The following SLC4A7 variants were observed in gnomAD, a reference collection of about 807,000 sequenced individuals.
The protein encoded by SLC4A7 is solute carrier family 4 member 7, also known as sodium bicarbonate cotransporter 3.
In SLC4A7, 51 loss-of-function variants were observed where a neutral mutation model predicts 137.6. The ratio of observed to expected loss-of-function variants is 0.37; its 90% CI spans 0.30 to 0.47. The LOEUF is 0.47. Ranked by LOEUF, SLC4A7 falls within the 20% of genes least tolerant of loss-of-function variation. The pLI is 1.00. For missense variants in SLC4A7, 1,247 were observed against 1,525.4 expected (o/e 0.82, Z 3.04); for synonymous variants, 542 against 518.6 (o/e 1.05, Z -0.61).
In SLC4A7 at chr3:27,431,293, G is replaced by C; in HGVS notation, c.1150+5C>G. On this transcript the variant is annotated splice_donor_5th_base_variant and intron_variant, in intron 7 of 25. Coordinates refer to ENST00000454389, the MANE Select transcript of SLC4A7 (RefSeq NM_001321103.2). The stretch of plus-strand genomic sequence containing the variant: ...CACCACACATGGAGGATTTTGGATA[G>C]TTGCCTGGAGTTAAGTCAACATTTT... 1 of 1,563,668 alleles carries C rather than the reference G, an allele frequency of 6.4e-7. No homozygotes were observed. Among genetic ancestry groups the C allele is most frequent in the South Asian group, 1.2e-5 (1 of 82,348 alleles).
At chr3:27,414,979 A>T (rs979347411) in intron 11 of SLC4A7, among the ~76,000 whole-genome samples, 1 of 152,154 alleles carries the variant, frequency 6.6e-6, no homozygotes, top group East Asian at 1.9e-4. Context: ...TTTCTATAAT[A>T]ATGATGGTGC....
chr3:27,468,449 C>T (rs1424794970), intron 1 of SLC4A7, among the ~76,000 whole-genome samples: 2 of 152,138 alleles, frequency 1.3e-5, no homozygotes, highest in African/African-American at 4.8e-5. Flanking sequence ...GTGATACACA[C>T]CGGTCACACT....
At chr3:27,413,340 T>C (rs2054088460) in intron 11 of SLC4A7, among the ~76,000 whole-genome samples, 1 of 152,172 alleles carries the variant, frequency 6.6e-6, no homozygotes, top group South Asian at 2.1e-4. Context: ...AAGGAATTCT[T>C]CCAAACTTTT....
chr3:27,431,722 T>A lies in SLC4A7; in HGVS notation c.779-53A>T, dbSNP rs185647636. 24 of 1,460,392 alleles carry A rather than the reference T, an allele frequency of 1.6e-5. No homozygotes were observed. The African/African-American group carries it at 3.0e-4, about 18-fold the overall frequency. The allele number at this position is 1,460,392 out of a possible 1,614,324, so 90.5% of individuals were successfully genotyped here. A position where few individuals can be genotyped will look rare whatever the true frequency, so the allele number is the denominator to read the frequency against. ...GATGAAGTCCACTGCAGAAGGCAAA[T>A]AGAGACATTTAAAAAAAAATCAATT... On this transcript the variant is annotated intron_variant, in intron 6 of 25. Coordinates refer to ENST00000454389, the MANE Select transcript of SLC4A7 (RefSeq NM_001321103.2).
At chr3:27,475,669 G>T (rs1163821993) in intron 1 of SLC4A7, among the ~76,000 whole-genome samples, 1 of 152,132 alleles carries the variant, frequency 6.6e-6, no homozygotes, top group Non-Finnish European at 1.5e-5. Context: ...AACTTCCCCA[G>T]ATACAAACAG....
chr3:27,447,461 C>T (rs962514317), intron 3 of SLC4A7, among the ~76,000 whole-genome samples: 2 of 151,986 alleles, frequency 1.3e-5, no homozygotes, highest in African/African-American at 4.8e-5. Context: ...TGCCTTTTCA[C>T]AAAAACTTTC....
intron 21 of SLC4A7, among the ~76,000 whole-genome samples, chr3:27,390,816 TG>T (rs2051468263): frequency 6.6e-6 from 1 of 152,136 alleles, no homozygotes; most frequent in Non-Finnish European, 1.5e-5. Context: ...TCGTTTTTTT[TG>T]TGTGTGTTTG....
intron 1 of SLC4A7, among the ~76,000 whole-genome samples, chr3:27,474,825 A>C (rs905474839): frequency 1.3e-5 from 2 of 152,186 alleles, no homozygotes; most frequent in Non-Finnish European, 2.9e-5. Flanking sequence ...AGCTTTAGGC[A>C]ACAAACCAGT....
At chr3:27,438,489 A>C (rs1398671695) in intron 3 of SLC4A7, among the ~76,000 whole-genome samples, 1 of 152,148 alleles carries the variant, frequency 6.6e-6, no homozygotes, top group Non-Finnish European at 1.5e-5. Flanking sequence ...TGGGCGACAG[A>C]GCAAGACTCC....
At chr3:27,441,896 TTGAC>T (rs1323494520) in intron 3 of SLC4A7, among the ~76,000 whole-genome samples, 5 of 151,774 alleles carry the variant, frequency 3.3e-5, no homozygotes, top group Admixed American at 6.5e-5. Flanking sequence ...TCTTATTAGT[TTGAC>T]TTTTTTTTTT....
At chr3:27,480,631 T>C (rs920757870) in intron 1 of SLC4A7, among the ~76,000 whole-genome samples, 2 of 152,130 alleles carry the variant, frequency 1.3e-5, no homozygotes, top group Admixed American at 6.6e-5. Context: ...GAAACCCTGA[T>C]ACTATTCCTA....
intron 1 of SLC4A7, among the ~76,000 whole-genome samples, chr3:27,455,809 A>G (rs966851303): frequency 6.6e-6 from 1 of 152,096 alleles, no homozygotes; most frequent in African/African-American, 2.4e-5. Context: ...GTGAGCGCAT[A>G]GAGCGCCACC....
At position 27,379,245 on chromosome 3, in the gene SLC4A7, C is replaced by G; in HGVS notation, c.3698+4G>C. ...TTAGAAAACACACAAATAGTTATAACTACCTCATGTTAGATCTGGTTACTT... is the reference window on the plus strand; with the variant it reads ...TTAGAAAACACACAAATAGTTATAAGTACCTCATGTTAGATCTGGTTACTT... On this transcript the variant is annotated splice_donor_region_variant and intron_variant, in intron 25 of 25. Coordinates refer to ENST00000454389, the MANE Select transcript of SLC4A7 (RefSeq NM_001321103.2). 6.7e-7 allele frequency: 1 copy of G among 1,483,702 alleles called. No homozygotes were observed. The highest frequency in any genetic ancestry group is 9.1e-7 in the Non-Finnish European group (1 of 1,099,122). The allele number at this position is 1,483,702 out of a possible 1,614,324, so 91.9% of individuals were successfully genotyped here.
At chr3:27,377,901 T>C (rs1379104003) in intron 25 of SLC4A7, among the ~76,000 whole-genome samples, 1 of 152,344 alleles carries the variant, frequency 6.6e-6, no homozygotes, top group South Asian at 2.1e-4. Flanking sequence ...AGCCAAGATA[T>C]TCTCTTTCTT....
At chr3:27,402,617 T>G (rs1487621948) in intron 15 of SLC4A7, among the ~76,000 whole-genome samples, 3 of 152,008 alleles carry the variant, frequency 2.0e-5, no homozygotes, top group Non-Finnish European at 4.4e-5. Flanking sequence ...GAAGATCACT[T>G]GAACCTGGGA....
intron 7 of SLC4A7, among the ~76,000 whole-genome samples, chr3:27,427,381 C>G (rs34772035): frequency 0.17 from 25,181 of 151,642 alleles, 2,466 homozygotes; most frequent in Non-Finnish European, 0.23. Context: ...CTCAAGTGAT[C>G]CTCCCCTCTT....
chr3:27,411,329 A>G (rs961361926), intron 12 of SLC4A7, among the ~76,000 whole-genome samples: 17 of 152,216 alleles, frequency 1.1e-4, no homozygotes, highest in African/African-American at 3.1e-4. Context: ...AAGAATTATA[A>G]TAAGACTCTA....
chr3:27,469,678 G>A (rs1205390537), intron 1 of SLC4A7, among the ~76,000 whole-genome samples: 2 of 151,934 alleles, frequency 1.3e-5, no homozygotes, highest in Admixed American at 6.6e-5. Context: ...ACTTGAACCC[G>A]GGAAGCAGAG....
rs192016352 is a variant in SLC4A7 at position 27,427,673 on chromosome 3, G to C, written c.1151-3521C>G. Among the ~76,000 whole-genome samples the C allele has an allele frequency of 3.4e-3, 513 of 152,134 alleles. 3 individuals carry two copies. Among genetic ancestry groups the C allele is most frequent in the Non-Finnish European group, 5.2e-3 (354 of 68,012 alleles). On this transcript the variant is annotated intron_variant, in intron 7 of 25. Coordinates refer to ENST00000454389, the MANE Select transcript of SLC4A7 (RefSeq NM_001321103.2). ...ACCAGGCATCAAGGAAACTCCATTAGAGTTTCTAGATGCTTTAAGCACCGA... is the reference window on the plus strand; with the variant it reads ...ACCAGGCATCAAGGAAACTCCATTACAGTTTCTAGATGCTTTAAGCACCGA...
Sources: allele counts gnomAD v4.1 joint callset (sites outside exome capture counted in the v4.1 genomes callset), GRCh38; gene constraint gnomAD v4.1.1; transcripts MANE v1.5; gene names NCBI Gene and HGNC (gene_info 2026-07-23, HGNC 2026-07-21).